Variants in PDE3B observed in about 807,000 individuals in gnomAD.
PDE3B encodes phosphodiesterase 3B, also known as cGMP-inhibited 3',5'-cyclic phosphodiesterase 3B.
In PDE3B, 66 loss-of-function variants were observed where a neutral mutation model predicts 116.8. The observed-to-expected ratio is 0.56, with a 90% CI of 0.46 to 0.69. The LOEUF (loss-of-function observed/expected upper bound fraction) is 0.69, where lower values mean the gene tolerates loss of function less well. Among genes scored for constraint, PDE3B ranks in the 30% least tolerant of loss-of-function variants. The pLI is 0.00. For synonymous variants in PDE3B, 595 were observed against 533.6 expected, an observed-to-expected ratio of 1.12 and a Z score of -1.59; for missense variants, 1,384 against 1,368.1, an observed-to-expected ratio of 1.01 and a Z score of -0.18.
chr11:14,861,783 G>T (rs1239589177), intron 14 of PDE3B, among the ~76,000 whole-genome samples: 1 of 152,170 alleles, frequency 6.6e-6, no homozygotes, highest in Non-Finnish European at 1.5e-5. Flanking sequence ...AGGAAGTAAA[G>T]TACACTTGGA....
At chr11:14,895,349 T>C in the PDE3B span, among the ~76,000 whole-genome samples, 1 of 152,238 alleles carries the variant, frequency 6.6e-6, no homozygotes, top group South Asian at 2.1e-4. Flanking sequence ...TCAATAATAG[T>C]GATCCTGCCT....
intron 1 of PDE3B, among the ~76,000 whole-genome samples, chr11:14,675,034 T>C (rs1854489730): frequency 6.6e-6 from 1 of 152,216 alleles, no homozygotes; most frequent in African/African-American, 2.4e-5. Context: ...AATATTTCTA[T>C]TAAGGCAGTT....
At chr11:14,899,278 C>G in the PDE3B span, among the ~76,000 whole-genome samples, 48 of 152,266 alleles carry the variant, frequency 3.2e-4, no homozygotes, top group African/African-American at 1.1e-3. Flanking sequence ...CTACTGTCTC[C>G]TTCCCTGGCT....
intron 1 of PDE3B, among the ~76,000 whole-genome samples, chr11:14,728,379 A>G (rs1815855643): frequency 6.6e-6 from 1 of 152,126 alleles, no homozygotes; most frequent in Non-Finnish European, 1.5e-5. Context: ...AGATTTAGTC[A>G]GTATTTTTCA....
At chr11:14,704,192 T>C (rs536178180) in intron 1 of PDE3B, among the ~76,000 whole-genome samples, 3 of 151,902 alleles carry the variant, frequency 2.0e-5, no homozygotes, top group African/African-American at 7.2e-5. Context: ...TCTTTAATTT[T>C]AATGGTTAGA....
intron 1 of PDE3B, among the ~76,000 whole-genome samples, chr11:14,739,966 G>A (rs755672549): frequency 6.6e-6 from 1 of 152,146 alleles, no homozygotes; most frequent in Non-Finnish European, 1.5e-5. Context: ...CTTGATTGTG[G>A]TGGATAAGCT....
chr11:14,649,888 C>G (rs761670408), intron 1 of PDE3B, among the ~76,000 whole-genome samples: 4 of 152,140 alleles, frequency 2.6e-5, no homozygotes, highest in Non-Finnish European at 4.4e-5. Context: ...AAACTGTTAG[C>G]TAAACAACAT....
At chr11:14,743,659 T>C (rs981451693) in intron 1 of PDE3B, among the ~76,000 whole-genome samples, 2 of 152,162 alleles carry the variant, frequency 1.3e-5, no homozygotes, top group African/African-American at 4.8e-5. Flanking sequence ...GGCTGCCCAG[T>C]TTTGTGCTTG....
chr11:14,745,269 T>C (rs959109115), intron 1 of PDE3B, among the ~76,000 whole-genome samples: 5 of 152,372 alleles, frequency 3.3e-5, no homozygotes, highest in African/African-American at 1.2e-4. Context: ...TTTGAAATTT[T>C]AGTGGTTCTT....
intron 1 of PDE3B, among the ~76,000 whole-genome samples, chr11:14,723,606 A>T (rs1299659020): frequency 2.0e-5 from 3 of 151,970 alleles, no homozygotes; most frequent in African/African-American, 7.3e-5. Flanking sequence ...TTTAAAAAAA[A>T]ACCCATTAGC....
intron 1 of PDE3B, among the ~76,000 whole-genome samples, chr11:14,710,296 T>G (rs141856624): frequency 7.4e-4 from 113 of 152,288 alleles, no homozygotes; most frequent in African/African-American, 2.5e-3. Context: ...AGATGATTTA[T>G]TTTTTTGATT....
At chr11:14,749,289 T>C (rs1365371336) in intron 1 of PDE3B, among the ~76,000 whole-genome samples, 2 of 152,198 alleles carry the variant, frequency 1.3e-5, no homozygotes, top group Non-Finnish European at 2.9e-5. Flanking sequence ...GTGAAGATCA[T>C]CTAGTCTGGC....
At chr11:14,861,407 T>C (rs1420759084) in intron 14 of PDE3B, 41 bp downstream of exon 14, 1 of 1,578,106 alleles carries the variant, frequency 6.3e-7, no homozygotes. Context: ...TTAAGAGCTG[T>C]CATGAGAAGA....
intron 1 of PDE3B, among the ~76,000 whole-genome samples, chr11:14,668,863 G>A (rs1165429591): frequency 1.1e-5 from 1 of 93,224 alleles, no homozygotes; most frequent in African/African-American, 4.3e-5. Context: ...CCAACCAGTA[G>A]AATTGTTTTG....
chr11:14,649,882 T>G (rs1853521407), intron 1 of PDE3B, among the ~76,000 whole-genome samples: 1 of 152,218 alleles, frequency 6.6e-6, no homozygotes, highest in Admixed American at 6.5e-5. Flanking sequence ...ACTGAAAAAC[T>G]GTTAGCTAAA....
rs183890881 is a variant in PDE3B, at chr11:14,830,419, C to T, written c.1808-279C>T. ...GTAAGAAAATTTCTATTGATAGGAA[C>T]TTTTTCTTTTTCTCACTTTTATAAA... On this transcript the variant is annotated intron_variant, in intron 7 of 15. Coordinates refer to ENST00000282096, the MANE Select transcript of PDE3B (RefSeq NM_000922.4). 4.3e-3 allele frequency among the ~76,000 whole-genome samples: 647 copies of T among 152,052 alleles called. 6 individuals carry two copies. The highest frequency in any genetic ancestry group is 5.2e-3 in the Non-Finnish European group (356 of 67,892).
chr11:14,889,984 C>T, the PDE3B span, among the ~76,000 whole-genome samples: 1 of 151,920 alleles, frequency 6.6e-6, no homozygotes, highest in Non-Finnish European at 1.5e-5. Context: ...AAAAAATTAG[C>T]CGGGCGTGGT....
At chr11:14,764,651 G>A (rs914579344) in intron 1 of PDE3B, among the ~76,000 whole-genome samples, 2 of 151,948 alleles carry the variant, frequency 1.3e-5, no homozygotes, top group African/African-American at 4.8e-5. Flanking sequence ...GAGATTTTGG[G>A]AAGTCTTTGT....
chr11:14,804,956 T>C (rs1387961887), intron 5 of PDE3B, among the ~76,000 whole-genome samples: 1 of 151,596 alleles, frequency 6.6e-6, no homozygotes, highest in African/African-American at 2.4e-5. Context: ...GACAGAGAAA[T>C]AGAAAATACC....
Sources: gnomAD v4.1 joint callset for allele counts (sites outside exome capture counted in the v4.1 genomes callset) on GRCh38, gnomAD v4.1.1 for gene constraint, MANE v1.5 for transcripts, NCBI Gene and HGNC (gene_info 2026-07-23, HGNC 2026-07-21) for gene names.